TNRC6B: variants seen among roughly 807,000 people sequenced by gnomAD.
TNRC6B encodes trinucleotide repeat containing adaptor 6B, also known as trinucleotide repeat-containing gene 6B protein.
TNRC6B carries 52 observed loss-of-function variants against 203.6 expected under a neutral mutation model. The observed-to-expected ratio is 0.26, with a 90% CI of 0.20 to 0.32. TNRC6B has a LOEUF of 0.32. TNRC6B is among the 10% of genes least tolerant of loss of function. TNRC6B has a pLI of 1.00. For synonymous variants in TNRC6B, 838 were observed against 845.7 expected (o/e 0.99, Z 0.16); for missense variants, 1,923 against 2,286.2 (o/e 0.84, Z 3.24).
intron 3 of TNRC6B, among the ~76,000 whole-genome samples, chr22:40,155,924 G>T (rs565901512): frequency 6.6e-6 from 1 of 152,108 alleles, no homozygotes; most frequent in African/African-American, 2.4e-5. Flanking sequence ...GTGTTTTGCC[G>T]ATCAACATGT....
At chr22:40,301,893 G>A (rs971261185) in intron 15 of TNRC6B, among the ~76,000 whole-genome samples, 9 of 152,098 alleles carry the variant, frequency 5.9e-5, no homozygotes, top group Non-Finnish European at 8.8e-5. Context: ...CTCTCCTACC[G>A]CCGGGAATTT....
rs535121363 is a variant in TNRC6B at position 40,100,841 on chromosome 22, T to TG, written c.-120-16212dup. Among the ~76,000 whole-genome samples the TG allele has an allele frequency of 1.5e-4, 23 of 152,284 alleles. No individual in the cohort carries two copies. The South Asian group carries it at 4.8e-3, about 32-fold the overall frequency. ...TGAACCTAAGCACTGTAGAGGGTTG[T>TG]GGTATCAAAAGTCAGTAACACCTAG... On this transcript the variant is annotated intron_variant, in intron 1 of 23. Coordinates refer to the TNRC6B transcript ENST00000301923.
At chr22:40,151,560 G>GA (rs147036721) in intron 3 of TNRC6B, among the ~76,000 whole-genome samples, 4 of 140,332 alleles carry the variant, frequency 2.9e-5, no homozygotes, top group African/African-American at 1.1e-4. Context: ...AAAGAAAAAA[G>GA]AAAAAAACTA....
chr22:40,118,959 T>G (rs1472788983), intron 2 of TNRC6B, among the ~76,000 whole-genome samples: 1 of 152,138 alleles, frequency 6.6e-6, no homozygotes, highest in African/African-American at 2.4e-5. Context: ...AACAAAAACA[T>G]GGAAACCTGA....
At chr22:40,288,545 T>A (rs1033292664) in intron 12 of TNRC6B, among the ~76,000 whole-genome samples, 3 of 140,278 alleles carry the variant, frequency 2.1e-5, no homozygotes, top group Non-Finnish European at 4.7e-5. Flanking sequence ...TCTCTACAAA[T>A]TTTTTTTTTT....
At chr22:40,153,557 A>AAC (rs963387100) in intron 3 of TNRC6B, among the ~76,000 whole-genome samples, 2 of 151,728 alleles carry the variant, frequency 1.3e-5, no homozygotes, top group African/African-American at 4.8e-5. Flanking sequence ...TAGAAAAAAA[A>AAC]AAACAAAAAG....
At chr22:40,118,995 G>A (rs573539270) in intron 2 of TNRC6B, among the ~76,000 whole-genome samples, 1 of 152,322 alleles carries the variant, frequency 6.6e-6, no homozygotes, top group East Asian at 1.9e-4. Context: ...TGGCAAAGCT[G>A]TAAGATGTTC....
chr22:40,314,284 T>C (rs2071227598), intron 19 of TNRC6B, among the ~76,000 whole-genome samples: 1 of 152,188 alleles, frequency 6.6e-6, no homozygotes, highest in Admixed American at 6.5e-5. Flanking sequence ...TCTTCCTCTT[T>C]CCTCTCTCTC....
intron 5 of TNRC6B, 134 bp from the exon 6 acceptor site, chr22:40,269,988 C>T: frequency 1.2e-6 from 1 of 853,376 alleles, no homozygotes; most frequent in Non-Finnish European, 1.7e-6. Flanking sequence ...AAATACCCCT[C>T]ACATGAAAGT....
rs760616350 is a variant in TNRC6B, at chr22:40,266,006, G to T, written c.1776G>T (p.Ser592=). ...SSDSHNSGRR[S]YRPTHPDCQA... ...ACAGTCATAACTCTGGCCGTCGGTC[G>T]TACAGGCCCACACATCCTGATTGTC... Residue 592 remains serine (S), a synonymous_variant, in exon 5 of 23, where the codon TCG becomes TCT. Transcript: ENST00000454349. 2 of 1,613,804 alleles carry T rather than the reference G, an allele frequency of 1.2e-6. No homozygotes were observed. Among genetic ancestry groups the T allele is most frequent in the Admixed American group, 1.7e-5 (1 of 60,016 alleles).
At chr22:40,218,324 C>CTTT (rs71199275) in intron 1 of TNRC6B, among the ~76,000 whole-genome samples, 997 of 97,414 alleles carry the variant, frequency 0.01, 49 homozygotes, top group Admixed American at 0.048. Context: ...TTTTTCTTTT[C>CTTT]TTTTTTTTTT....
chr22:40,229,749 A>G (rs1325427297), intron 1 of TNRC6B, among the ~76,000 whole-genome samples: 1 of 152,088 alleles, frequency 6.6e-6, no homozygotes, highest in Non-Finnish European at 1.5e-5. Context: ...TTTACTCAAC[A>G]TAGTTATTTT....
intron 12 of TNRC6B, among the ~76,000 whole-genome samples, chr22:40,296,720 T>G (rs1422783291): frequency 1.3e-5 from 2 of 151,286 alleles, no homozygotes; most frequent in Non-Finnish European, 2.9e-5. Flanking sequence ...CTCCGCCACC[T>G]GGGTTCAAGC....
chr22:40,045,927 A>G (rs1023670710), intron 1 of TNRC6B, among the ~76,000 whole-genome samples: 5 of 152,206 alleles, frequency 3.3e-5, no homozygotes, highest in African/African-American at 1.2e-4. Flanking sequence ...ATTACTTTTT[A>G]GCATCAGTGC....
At chr22:40,164,761 A>C (rs1486086307) in intron 4 of TNRC6B, among the ~76,000 whole-genome samples, 2 of 18,530 alleles carry the variant, frequency 1.1e-4, no homozygotes, top group East Asian at 1.2e-3. Context: ...ATTCTGTCTC[A>C]AAAAAAAAAA....
intron 1 of TNRC6B, among the ~76,000 whole-genome samples, chr22:40,055,554 T>C: frequency 6.6e-6 from 1 of 152,190 alleles, no homozygotes; most frequent in East Asian, 1.9e-4. Flanking sequence ...GAAATGACCT[T>C]AGAATAATGA....
chr22:40,316,332 C>T (rs1226449909), intron 21 of TNRC6B, among the ~76,000 whole-genome samples: 2 of 144,084 alleles, frequency 1.4e-5, no homozygotes, highest in African/African-American at 2.6e-5. Context: ...CCAGCCTGGG[C>T]GACAGAGTGA....
chr22:40,318,515 C>T (rs2071290757), intron 21 of TNRC6B, among the ~76,000 whole-genome samples: 2 of 152,070 alleles, frequency 1.3e-5, no homozygotes, highest in African/African-American at 4.8e-5. Flanking sequence ...CCACTGCACT[C>T]CAGCCTGGGA....
chr22:40,212,622 C>T (rs951347700), intron 1 of TNRC6B, among the ~76,000 whole-genome samples: 1 of 152,076 alleles, frequency 6.6e-6, no homozygotes, highest in African/African-American at 2.4e-5. Context: ...TCTTGCCCTT[C>T]AACAGCTGGG....
Sources: allele counts gnomAD v4.1 joint callset (sites outside exome capture counted in the v4.1 genomes callset), GRCh38; gene constraint gnomAD v4.1.1; transcripts MANE v1.5; gene names NCBI Gene and HGNC (gene_info 2026-07-23, HGNC 2026-07-21).